The following LRP1B variants were observed in gnomAD, a reference collection of about 807,000 sequenced individuals.
The protein encoded by LRP1B is LDL receptor related protein 1B.
Under a neutral mutation model 556.6 loss-of-function variants are expected in LRP1B, and 217 were observed. The ratio of observed to expected loss-of-function variants is 0.39; its 90% CI spans 0.35 to 0.44. The LOEUF is 0.44. Among genes scored for constraint, LRP1B ranks in the 20% least tolerant of loss-of-function variants. The pLI is 1.00. For synonymous variants in LRP1B, 2,047 were observed against 1,865.8 expected, an observed-to-expected ratio of 1.10 and a Z score of -2.50; for missense variants, 5,053 against 5,620.8, an observed-to-expected ratio of 0.90 and a Z score of 3.23.
intron 2 of LRP1B, among the ~76,000 whole-genome samples, chr2:141,654,844 T>C (rs1689941894): frequency 1.3e-5 from 2 of 152,064 alleles, no homozygotes. Context: ...GCCAGAAGAG[T>C]TTAATCAAGT....
At chr2:140,964,614 TC>T in intron 18 of LRP1B, among the ~76,000 whole-genome samples, 1 of 147,962 alleles carries the variant, frequency 6.8e-6, no homozygotes. Context: ...TCCCCTCAGC[TC>T]CTATCTCTGT....
At chr2:141,886,305 A>T (rs892872182) in intron 1 of LRP1B, among the ~76,000 whole-genome samples, 1 of 152,192 alleles carries the variant, frequency 6.6e-6, no homozygotes, top group Non-Finnish European at 1.5e-5. Flanking sequence ...TTCTGCAGAA[A>T]AAAAAGCCAA....
intron 15 of LRP1B, among the ~76,000 whole-genome samples, chr2:140,998,247 AG>A (rs1697312039): frequency 6.6e-6 from 1 of 152,188 alleles, no homozygotes; most frequent in Admixed American, 6.6e-5. Flanking sequence ...CCTGGGAGTA[AG>A]GCACATTGAA....
intron 2 of LRP1B, among the ~76,000 whole-genome samples, chr2:141,544,394 C>G (rs1327646156): frequency 1.8e-5 from 2 of 113,072 alleles, no homozygotes; most frequent in East Asian, 5.1e-4. Flanking sequence ...CCTCCTCCTC[C>G]TCCTCCTCCT....
chr2:140,402,069 A>C (rs576216180), intron 66 of LRP1B, among the ~76,000 whole-genome samples: 1 of 152,274 alleles, frequency 6.6e-6, no homozygotes, highest in Non-Finnish European at 1.5e-5. Context: ...CCCCAGCACC[A>C]ACCAGGAGTG....
intron 86 of LRP1B, among the ~76,000 whole-genome samples, chr2:140,265,447 CAA>C (rs1478818764): frequency 2.0e-5 from 3 of 151,938 alleles, no homozygotes; most frequent in African/African-American, 7.3e-5. Context: ...AAATGGCCAT[CAA>C]GAGACAAAAG....
At chr2:140,930,423 G>C (rs1573891845) in intron 20 of LRP1B, among the ~76,000 whole-genome samples, 1 of 151,906 alleles carries the variant, frequency 6.6e-6, no homozygotes, top group East Asian at 1.9e-4. Context: ...TTTATAGTTA[G>C]AAGACTAGCA....
rs112035091 is a variant in LRP1B, at chr2:141,348,387, TC to T, written c.344-93747del. 6.0e-3 allele frequency among the ~76,000 whole-genome samples: 907 copies of T among 152,076 alleles called. 14 individuals are homozygous for T. The highest frequency in any genetic ancestry group is 0.02 in the African/African-American group (827 of 41,464). Reference sequence around the variant, plus strand: ...TTCTAAGCACAAAATGATGATAACTTCTACTTAATAAATAAGATTTCAAAGC... The same window carrying T: ...TTCTAAGCACAAAATGATGATAACTTTACTTAATAAATAAGATTTCAAAGC... On this transcript the variant is annotated intron_variant, in intron 3 of 90. Coordinates refer to ENST00000389484, the MANE Select transcript of LRP1B (RefSeq NM_018557.3).
At chr2:141,029,731 T>A (rs1698313583) in intron 11 of LRP1B, among the ~76,000 whole-genome samples, 1 of 152,070 alleles carries the variant, frequency 6.6e-6, no homozygotes, top group Non-Finnish European at 1.5e-5. Flanking sequence ...AGCAATAAAC[T>A]TCCTAAGTCT....
chr2:141,417,943 T>C (rs866377203), intron 3 of LRP1B, among the ~76,000 whole-genome samples: 1 of 152,234 alleles, frequency 6.6e-6, no homozygotes, highest in African/African-American at 2.4e-5. Flanking sequence ...AGGTAATACA[T>C]CATTGTGGTT....
intron 1 of LRP1B, among the ~76,000 whole-genome samples, chr2:141,982,252 C>T (rs989772783): frequency 6.6e-6 from 1 of 152,140 alleles, no homozygotes; most frequent in Non-Finnish European, 1.5e-5. Context: ...TATCTAAACC[C>T]ATGGTCCAAA....
intron 3 of LRP1B, among the ~76,000 whole-genome samples, chr2:141,475,666 G>A (rs1682675318): frequency 6.6e-6 from 1 of 152,056 alleles, no homozygotes; most frequent in South Asian, 2.1e-4. Context: ...ACAAAGAGAA[G>A]AATAAAAATG....
intron 8 of LRP1B, 68 bp from the exon 9 acceptor site, chr2:141,059,122 T>C: frequency 9.5e-7 from 1 of 1,053,456 alleles, no homozygotes; most frequent in Non-Finnish European, 1.3e-6. Context: ...GAAAAGCTGA[T>C]TGCTATTTAC....
intron 15 of LRP1B, 28 bp from the exon 16 acceptor site, chr2:140,994,163 G>A (rs1488852431): frequency 6.3e-7 from 1 of 1,599,592 alleles, no homozygotes; most frequent in Non-Finnish European, 8.6e-7. Flanking sequence ...CAAGGTATAT[G>A]AATAATGCTA....
At chr2:140,896,589 C>T (rs1693961108) in intron 23 of LRP1B, among the ~76,000 whole-genome samples, 1 of 152,192 alleles carries the variant, frequency 6.6e-6, no homozygotes, top group South Asian at 2.1e-4. Flanking sequence ...TCAGCCAATG[C>T]TCCTGCCTCA....
intron 49 of LRP1B, among the ~76,000 whole-genome samples, chr2:140,519,448 A>G (rs1412902978): frequency 2.0e-5 from 3 of 152,182 alleles, no homozygotes; most frequent in Non-Finnish European, 4.4e-5. Context: ...TACACCTTAT[A>G]CAAAAATTAA....
chr2:141,188,934 A>G (rs1681378333), intron 6 of LRP1B, among the ~76,000 whole-genome samples: 1 of 152,040 alleles, frequency 6.6e-6, no homozygotes, highest in South Asian at 2.1e-4. Flanking sequence ...TCAATAGCAC[A>G]GCTAAACTCT....
chr2:140,721,312 C>T (rs911631988), intron 35 of LRP1B, among the ~76,000 whole-genome samples: 1 of 152,070 alleles, frequency 6.6e-6, no homozygotes, highest in African/African-American at 2.4e-5. Context: ...GAACATGCTA[C>T]TCGTGGCTTT....
chr2:141,175,869 A>C (rs1680711316), intron 7 of LRP1B, among the ~76,000 whole-genome samples: 1 of 152,150 alleles, frequency 6.6e-6, no homozygotes, highest in Admixed American at 6.5e-5. Context: ...ACAAGGGCAG[A>C]GCTGCCCAAG....
Sources: gnomAD v4.1 joint callset for allele counts (sites outside exome capture counted in the v4.1 genomes callset) on GRCh38, gnomAD v4.1.1 for gene constraint, MANE v1.5 for transcripts, NCBI Gene and HGNC (gene_info 2026-07-23, HGNC 2026-07-21) for gene names.